Variants in PCDH9 observed in about 807,000 individuals in gnomAD.
PCDH9 encodes the protein protocadherin 9.
In PCDH9, 24 loss-of-function variants were observed where a neutral mutation model predicts 70.6. The observed-to-expected ratio is 0.34, with a 90% CI of 0.25 to 0.48. The LOEUF (loss-of-function observed/expected upper bound fraction) is 0.48, where lower values mean the gene tolerates loss of function less well. PCDH9 is among the 20% of genes least tolerant of loss of function. The pLI is 0.99. For missense variants in PCDH9, 1,281 were observed against 1,503.6 expected (o/e 0.85, Z 2.45); for synonymous variants, 562 against 558.5 (o/e 1.01, Z -0.09).
chr13:67,046,224 A>G lies in PCDH9; in HGVS notation c.3037-142619T>C, dbSNP rs1158868026. On this transcript the variant is annotated intron_variant, in intron 2 of 4. Coordinates refer to ENST00000377865, the MANE Select transcript of PCDH9 (RefSeq NM_203487.3). ...GTTATAAAAATGTTGCCAAGATTACACTCTAGCAATTAGCCCCTAGCATGG... is the reference window on the plus strand; with the variant it reads ...GTTATAAAAATGTTGCCAAGATTACGCTCTAGCAATTAGCCCCTAGCATGG... Among the ~76,000 whole-genome samples, 3 of 152,156 alleles carry G rather than the reference A, an allele frequency of 2.0e-5. No homozygotes were observed. In the East Asian group the frequency reaches 5.8e-4, roughly 29 times the overall value.
At chr13:66,787,156 C>A (rs545757910) in intron 3 of PCDH9, among the ~76,000 whole-genome samples, 7 of 152,284 alleles carry the variant, frequency 4.6e-5, no homozygotes, top group Admixed American at 2.6e-4. Flanking sequence ...AGACCCTCAA[C>A]CCCATGCTGT....
At chr13:66,889,937 T>C (rs765143796) in intron 3 of PCDH9, among the ~76,000 whole-genome samples, 13 of 152,186 alleles carry the variant, frequency 8.5e-5, no homozygotes, top group Admixed American at 2.0e-4. Context: ...GATATATTGG[T>C]GTATTGATTT....
chr13:67,113,477 G>A (rs1489792329), intron 2 of PCDH9, among the ~76,000 whole-genome samples: 1 of 151,662 alleles, frequency 6.6e-6, no homozygotes, highest in East Asian at 1.9e-4. Flanking sequence ...TGTTCCTCTC[G>A]TCATTAATAA....
chr13:66,871,430 T>A (rs9540939), intron 3 of PCDH9, among the ~76,000 whole-genome samples: 3 of 150,550 alleles, frequency 2.0e-5, no homozygotes, highest in African/African-American at 7.3e-5. Flanking sequence ...TAAATAAAAT[T>A]AAAAAAAATC....
Position 67,227,556 on chromosome 13 carries a change from G to A in PCDH9, c.885C>T (p.Val295=), listed in dbSNP as rs79333565. ...AEIRYIFGAQ[V]APATKRLFAL... ...CAAAGAGTCTTTTGGTTGCAGGGGC[G>A]ACCTGGGCACCAAAAATGTACCGGA... The change falls in exon 2 of 5, where the codon GTC becomes GTT. Residue 295 remains valine (V), a synonymous_variant. Coordinates refer to ENST00000377865, the MANE Select transcript of PCDH9 (RefSeq NM_203487.3). The surrounding 1 kb of genome is among the most constrained non-coding windows in gnomAD (Gnocchi z 4.6). 2.4e-3 allele frequency: 3,815 copies of A among 1,613,626 alleles called. 68 individuals are homozygous for A. The African/African-American group carries it at 0.043, about 18-fold the overall frequency.
At chr13:66,922,203 A>T (rs2082647440) in intron 2 of PCDH9, among the ~76,000 whole-genome samples, 1 of 151,356 alleles carries the variant, frequency 6.6e-6, no homozygotes, top group Admixed American at 6.6e-5. Context: ...GTGGGAAACA[A>T]GTATAATACA....
intron 3 of PCDH9, among the ~76,000 whole-genome samples, chr13:66,651,093 C>G (rs1477530610): frequency 1.3e-5 from 2 of 151,102 alleles, no homozygotes; most frequent in African/African-American, 4.9e-5. Context: ...AGAAAAACTT[C>G]AAGTAAACAA....
intron 2 of PCDH9, among the ~76,000 whole-genome samples, chr13:67,084,038 C>T (rs1186252756): frequency 1.3e-5 from 2 of 152,086 alleles, no homozygotes; most frequent in African/African-American, 2.4e-5. Flanking sequence ...GTAGGAAAAC[C>T]TTGAGTTTCT....
chr13:66,377,029 G>A (rs1035858081), intron 4 of PCDH9, among the ~76,000 whole-genome samples: 2 of 152,166 alleles, frequency 1.3e-5, no homozygotes, highest in Non-Finnish European at 2.9e-5. Flanking sequence ...GCTTAACCAA[G>A]ATGCCCTGCA....
chr13:66,831,994 C>A (rs1231401728), intron 3 of PCDH9, among the ~76,000 whole-genome samples: 1 of 152,076 alleles, frequency 6.6e-6, no homozygotes, highest in African/African-American at 2.4e-5. Context: ...CATTCTTTGT[C>A]TTTTCCTACA....
intron 3 of PCDH9, among the ~76,000 whole-genome samples, chr13:66,831,127 C>T (rs568995937): frequency 7.2e-5 from 11 of 152,270 alleles, no homozygotes; most frequent in African/African-American, 2.4e-4. Context: ...GATGCATCTA[C>T]AGATAAGATT....
intron 3 of PCDH9, among the ~76,000 whole-genome samples, chr13:66,725,656 T>C (rs1408883114): frequency 6.6e-6 from 1 of 152,212 alleles, no homozygotes; most frequent in Non-Finnish European, 1.5e-5. Context: ...AATAAAAGTA[T>C]ACAATAAACA....
intron 2 of PCDH9, chr13:67,211,988 T>A (rs2089478337): frequency 6.6e-6 from 1 of 152,162 alleles, no homozygotes. Context: ...CTGTCTACTT[T>A]AGCTTGGGTT....
chr13:67,149,289 C>G (rs1440664167), intron 2 of PCDH9, among the ~76,000 whole-genome samples: 1 of 152,138 alleles, frequency 6.6e-6, no homozygotes, highest in Non-Finnish European at 1.5e-5. Context: ...TGCTGACGGC[C>G]TGAGCTGGAA....
At chr13:66,977,918 T>C (rs1413115731) in intron 2 of PCDH9, among the ~76,000 whole-genome samples, 1 of 152,160 alleles carries the variant, frequency 6.6e-6, no homozygotes, top group Non-Finnish European at 1.5e-5. Flanking sequence ...GGCAAAAATA[T>C]AATGTTTAGA....
chr13:66,851,107 T>C (rs1186686919), intron 3 of PCDH9, among the ~76,000 whole-genome samples: 1 of 152,162 alleles, frequency 6.6e-6, no homozygotes, highest in East Asian at 1.9e-4. Context: ...AACTTGAAAA[T>C]ATAAAGTATA....
chr13:66,370,268 C>G (rs1956622420), intron 4 of PCDH9, among the ~76,000 whole-genome samples: 1 of 151,860 alleles, frequency 6.6e-6, no homozygotes, highest in African/African-American at 2.4e-5. Context: ...TCCCTGTCTC[C>G]CAGTCTCTGT....
rs372185814 is a variant in PCDH9 at position 66,442,697 on chromosome 13, G to T, written c.3341-137669C>A. ...TTTTCAGTCTTGTCTAAATTATTTC[G>T]GTGTGAACTTTAGCGATAATATTAT... On this transcript the variant is annotated intron_variant, in intron 4 of 4. Coordinates refer to ENST00000377865, the MANE Select transcript of PCDH9 (RefSeq NM_203487.3). Among the ~76,000 whole-genome samples the T allele has an allele frequency of 3.8e-3, 571 of 151,640 alleles. 7 individuals are homozygous for T. Among genetic ancestry groups the T allele is most frequent in the African/African-American group, 0.013 (543 of 41,304 alleles).
intron 3 of PCDH9, among the ~76,000 whole-genome samples, chr13:66,650,701 T>C (rs1322399693): frequency 6.6e-6 from 1 of 151,918 alleles, no homozygotes; most frequent in African/African-American, 2.4e-5. Context: ...AGATATTATA[T>C]AATATTTCAT....
Sources: allele counts gnomAD v4.1 joint callset (sites outside exome capture counted in the v4.1 genomes callset), GRCh38; gene constraint gnomAD v4.1.1; non-coding constraint Gnocchi (gnomAD v3.1); transcripts MANE v1.5; gene names NCBI Gene and HGNC (gene_info 2026-07-23, HGNC 2026-07-21).